The following NRG3 variants were observed in gnomAD, a reference collection of about 807,000 sequenced individuals.
NRG3 encodes the protein neuregulin 3, also known as pro-neuregulin-3, membrane-bound isoform.
Under a neutral mutation model 66.9 loss-of-function variants are expected in NRG3, and 31 were observed. The observed-to-expected ratio is 0.46, with a 90% CI of 0.35 to 0.63. The LOEUF (loss-of-function observed/expected upper bound fraction) is 0.63. NRG3 is among the 20% of genes least tolerant of loss of function. NRG3 has a pLI of 0.00. For synonymous variants in NRG3, 393 were observed against 359.4 expected, an observed-to-expected ratio of 1.09 and a Z score of -1.06; for missense variants, 910 against 878.9, an observed-to-expected ratio of 1.04 and a Z score of -0.45.
intron 1 of NRG3, among the ~76,000 whole-genome samples, chr10:81,994,924 G>C (rs908237491): frequency 6.6e-6 from 1 of 151,882 alleles, no homozygotes; most frequent in Admixed American, 6.6e-5. Context: ...GTTTTCTTTA[G>C]CTGAGGAAAG....
At chr10:82,943,338 C>T (rs1453605383) in intron 4 of NRG3, among the ~76,000 whole-genome samples, 4 of 152,190 alleles carry the variant, frequency 2.6e-5, no homozygotes, top group Non-Finnish European at 5.9e-5. Flanking sequence ...CCACGGACCA[C>T]ACTGCTCCTT....
At chr10:82,062,197 C>T (rs1211106797) in intron 1 of NRG3, among the ~76,000 whole-genome samples, 2 of 152,120 alleles carry the variant, frequency 1.3e-5, no homozygotes, top group African/African-American at 2.4e-5. Context: ...GGCCCAAGGT[C>T]CCTGAGAGCT....
At chr10:82,334,624 G>A (rs74627057) in intron 1 of NRG3, among the ~76,000 whole-genome samples, 3,122 of 152,184 alleles carry the variant, frequency 0.021, 108 homozygotes, top group African/African-American at 0.07. Flanking sequence ...AGTTAATTAC[G>A]CTGAGTGACC....
chr10:82,794,907 G>C (rs1229400019), intron 3 of NRG3, among the ~76,000 whole-genome samples: 4 of 152,106 alleles, frequency 2.6e-5, no homozygotes, highest in Non-Finnish European at 4.4e-5. Context: ...TGTAATATTG[G>C]TGACAGACAA....
chr10:82,132,470 TATATATATGATATATATATATG>T (rs1564593221), intron 1 of NRG3, among the ~76,000 whole-genome samples: 11 of 122,966 alleles, frequency 8.9e-5, no homozygotes, highest in African/African-American at 3.4e-4. Flanking sequence ...ATATATATGA[TATATATATGATATATATATATG>T]ATATATATAT....
intron 1 of NRG3, among the ~76,000 whole-genome samples, chr10:82,197,677 T>A (rs1289992398): frequency 2.0e-5 from 3 of 152,126 alleles, no homozygotes; most frequent in African/African-American, 7.2e-5. Context: ...CAACACCAGA[T>A]GTTGAAAGAG....
intron 1 of NRG3, among the ~76,000 whole-genome samples, chr10:81,886,753 T>C (rs549475591): frequency 6.6e-6 from 1 of 152,152 alleles, no homozygotes; most frequent in Non-Finnish European, 1.5e-5. Context: ...GCTATTAAAT[T>C]TTGTTGTACT....
intron 1 of NRG3, among the ~76,000 whole-genome samples, chr10:82,275,170 C>T (rs1453138661): frequency 6.6e-6 from 1 of 152,004 alleles, no homozygotes; most frequent in Non-Finnish European, 1.5e-5. Context: ...AAAAAGTATA[C>T]TTGTACATCT....
intron 1 of NRG3, among the ~76,000 whole-genome samples, chr10:82,319,947 G>A (rs2081480596): frequency 6.6e-6 from 1 of 152,222 alleles, no homozygotes; most frequent in South Asian, 2.1e-4. Flanking sequence ...GAATGTGGCT[G>A]TGTTGGGAAG....
chr10:82,075,803 G>A (rs1220074204), intron 1 of NRG3, among the ~76,000 whole-genome samples: 1 of 152,026 alleles, frequency 6.6e-6, no homozygotes, highest in Non-Finnish European at 1.5e-5. Context: ...GGGCAACAGG[G>A]TAGCAAAACT....
chr10:82,488,782 A>G (rs1031915011), intron 2 of NRG3, among the ~76,000 whole-genome samples: 7 of 152,172 alleles, frequency 4.6e-5, no homozygotes, highest in African/African-American at 1.7e-4. Flanking sequence ...TCAGGAATTA[A>G]TGATTTAATA....
At chr10:81,897,956 A>G (rs1210962800) in intron 1 of NRG3, among the ~76,000 whole-genome samples, 2 of 152,182 alleles carry the variant, frequency 1.3e-5, no homozygotes, top group African/African-American at 4.8e-5. Flanking sequence ...TAATATACCC[A>G]TGCCCCAGGC....
chr10:82,589,541 G>C (rs1302067452), intron 2 of NRG3, among the ~76,000 whole-genome samples: 3 of 151,932 alleles, frequency 2.0e-5, no homozygotes, highest in African/African-American at 7.3e-5. Flanking sequence ...GTAATGAGGG[G>C]CAATTCTGCT....
intron 2 of NRG3, among the ~76,000 whole-genome samples, chr10:82,529,565 G>A (rs954888206): frequency 3.3e-5 from 5 of 152,136 alleles, no homozygotes; most frequent in Non-Finnish European, 5.9e-5. Flanking sequence ...CTTTTTAGCA[G>A]CAGTAGCTCA....
At chr10:82,920,688 G>C (rs1433919320) in intron 4 of NRG3, among the ~76,000 whole-genome samples, 1 of 152,054 alleles carries the variant, frequency 6.6e-6, no homozygotes, top group East Asian at 1.9e-4. Context: ...AAGATGAGCT[G>C]GAGCAGCTTG....
intron 3 of NRG3, among the ~76,000 whole-genome samples, chr10:82,825,837 A>G (rs1365991001): frequency 2.0e-5 from 3 of 152,206 alleles, no homozygotes; most frequent in Admixed American, 6.5e-5. Context: ...AAATATAATT[A>G]TGTTTGGTCC....
chr10:82,152,800 A>C (rs1369465578), intron 1 of NRG3, among the ~76,000 whole-genome samples: 179 of 98,402 alleles, frequency 1.8e-3, no homozygotes, highest in Middle Eastern at 6.0e-3. Flanking sequence ...TTCTTCCCCC[A>C]CCCTCCCCTC....
At chr10:81,978,459 A>T (rs141641417) in intron 1 of NRG3, among the ~76,000 whole-genome samples, 16 of 152,316 alleles carry the variant, frequency 1.1e-4, no homozygotes, top group South Asian at 1.0e-3. Flanking sequence ...GATAGCCAAG[A>T]GGTTAAGGCA....
At chr10:82,918,420 G>A (rs1650981644) in intron 4 of NRG3, among the ~76,000 whole-genome samples, 1 of 152,076 alleles carries the variant, frequency 6.6e-6, no homozygotes, top group Admixed American at 6.6e-5. Context: ...AAACCACAAG[G>A]TTATTTTGAA....
Sources: allele counts gnomAD v4.1 joint callset (sites outside exome capture counted in the v4.1 genomes callset), GRCh38; gene constraint gnomAD v4.1.1; transcripts MANE v1.5; gene names NCBI Gene and HGNC (gene_info 2026-07-23, HGNC 2026-07-21).